The following IGBP1C variants were observed in gnomAD, a reference collection of about 807,000 sequenced individuals.
The protein encoded by IGBP1C is immunoglobulin-binding protein 1 family member C.
At chr17:58,690,484 C>T in the IGBP1C span, among the ~76,000 whole-genome samples, 1 of 152,106 alleles carries the variant, frequency 6.6e-6, no homozygotes, top group Non-Finnish European at 1.5e-5. Context: ...TTTGAACTTT[C>T]CACTGTCAAC....
chr17:58,674,801 TAA>T, the IGBP1C span, among the ~76,000 whole-genome samples: 4 of 109,704 alleles, frequency 3.6e-5, no homozygotes, highest in Admixed American at 9.6e-5. Flanking sequence ...ATAAAGTGGT[TAA>T]AAAAAAAAAA....
the IGBP1C span, among the ~76,000 whole-genome samples, chr17:58,668,145 C>T: frequency 1.3e-5 from 2 of 152,150 alleles, no homozygotes; most frequent in African/African-American, 4.8e-5. Flanking sequence ...TCAGTTTAGC[C>T]AGAATTCCTC....
the IGBP1C span, among the ~76,000 whole-genome samples, chr17:58,668,228 A>G: frequency 6.6e-6 from 1 of 152,094 alleles, no homozygotes; most frequent in African/African-American, 2.4e-5. Flanking sequence ...ACAAATTCCC[A>G]TTTGCCCATG....
the IGBP1C span, among the ~76,000 whole-genome samples, chr17:58,672,753 A>G: frequency 2.0e-5 from 3 of 150,956 alleles, no homozygotes; most frequent in Non-Finnish European, 4.4e-5. Context: ...TTGTTTTGAG[A>G]TGGAGTCTCG....
the IGBP1C span, among the ~76,000 whole-genome samples, chr17:58,691,462 T>C: frequency 2.0e-5 from 3 of 151,168 alleles, no homozygotes; most frequent in Admixed American, 2.0e-4. Context: ...AGGTCAGGAG[T>C]TCGAGACCAG....
chr17:58,682,959 C>T, the IGBP1C span, among the ~76,000 whole-genome samples: 12 of 151,680 alleles, frequency 7.9e-5, no homozygotes, highest in African/African-American at 2.9e-4. Flanking sequence ...GTGGCTAACA[C>T]CTACAATCCC....
the IGBP1C span, among the ~76,000 whole-genome samples, chr17:58,662,843 G>A: frequency 6.6e-6 from 1 of 152,176 alleles, no homozygotes; most frequent in Non-Finnish European, 1.5e-5. Flanking sequence ...AATGTGACCG[G>A]GCGCGGTGGC....
the IGBP1C span, among the ~76,000 whole-genome samples, chr17:58,662,859 C>T: frequency 6.6e-6 from 1 of 152,168 alleles, no homozygotes; most frequent in South Asian, 2.1e-4. Flanking sequence ...GTGGCTCACG[C>T]TTGTAATCCC....
chr17:58,660,864 TGAAGG>T, the IGBP1C span: 1 of 795,602 alleles, frequency 1.3e-6, no homozygotes, highest in Non-Finnish European at 2.3e-6. Flanking sequence ...CGAGTGAGAA[TGAAGG>T]GTTTCATTGG....
chr17:58,660,883 C>A, the IGBP1C span: 1 of 803,802 alleles, frequency 1.2e-6, no homozygotes, highest in Non-Finnish European at 2.3e-6. Flanking sequence ...TCATTGGAGG[C>A]CTCTTCTGGT....
At chr17:58,683,804 C>T in the IGBP1C span, among the ~76,000 whole-genome samples, 158 of 151,266 alleles carry the variant, frequency 1.0e-3, 1 homozygote, top group African/African-American at 3.5e-3. Context: ...GAGTGGTTCC[C>T]GCCTGTAATC....
the IGBP1C span, among the ~76,000 whole-genome samples, chr17:58,687,319 A>G: frequency 2.0e-5 from 3 of 152,226 alleles, no homozygotes; most frequent in East Asian, 5.8e-4. Flanking sequence ...AAGGCTGTGT[A>G]AAGCTCAGGG....
chr17:58,689,280 G>A, the IGBP1C span, among the ~76,000 whole-genome samples: 1 of 151,718 alleles, frequency 6.6e-6, no homozygotes, highest in East Asian at 1.9e-4. Context: ...AGAGTGCAGT[G>A]GCCTGATCTC....
the IGBP1C span, chr17:58,675,529 A>T: frequency 6.6e-6 from 1 of 152,256 alleles, no homozygotes; most frequent in Admixed American, 6.6e-5. Context: ...ATGTTCACAT[A>T]AAAAAGTCTC....
chr17:58,679,749 T>C, the IGBP1C span: 1 of 152,148 alleles, frequency 6.6e-6, no homozygotes, highest in Non-Finnish European at 1.5e-5. Flanking sequence ...AAATATAGGA[T>C]CATTTTTCTC....
chr17:58,662,415 T>TCTCACACACACA, the IGBP1C span, among the ~76,000 whole-genome samples: 1 of 114,888 alleles, frequency 8.7e-6, no homozygotes, highest in Admixed American at 8.4e-5. Flanking sequence ...CACACATATC[T>TCTCACACACACA]CACACACACA....
At chr17:58,668,640 G>C in the IGBP1C span, among the ~76,000 whole-genome samples, 1 of 152,202 alleles carries the variant, frequency 6.6e-6, no homozygotes, top group Admixed American at 6.5e-5. Context: ...ATGTGCCCAA[G>C]TGGTAGAGAA....
At chr17:58,661,837 T>C in the IGBP1C span, 4 of 460,882 alleles carry the variant, frequency 8.7e-6, no homozygotes, top group Non-Finnish European at 1.5e-5. Context: ...TTCCTAAAAT[T>C]GTAAAGTGGG....
the IGBP1C span, among the ~76,000 whole-genome samples, chr17:58,673,065 A>C: frequency 1.3e-5 from 2 of 151,950 alleles, no homozygotes; most frequent in Non-Finnish European, 2.9e-5. Context: ...TTTTAAAAAA[A>C]ATTTCTTACA....
Sources: gnomAD v4.1 joint callset for allele counts (sites outside exome capture counted in the v4.1 genomes callset) on GRCh38, gnomAD v4.1.1 for gene constraint, MANE v1.5 for transcripts, NCBI Gene and HGNC (gene_info 2026-07-23, HGNC 2026-07-21) for gene names.